Variants in ALOX5 observed in about 807,000 individuals in gnomAD.
The protein encoded by ALOX5 is arachidonate 5-lipoxygenase.
ALOX5 carries 64 observed loss-of-function variants against 87.9 expected under a neutral mutation model. The observed-to-expected ratio is 0.73, with a 90% CI of 0.60 to 0.90. ALOX5 has a LOEUF of 0.90. ALOX5 is among the 40% of genes least tolerant of loss of function. The pLI is 0.00. For synonymous variants in ALOX5, 388 were observed against 355.1 expected, an observed-to-expected ratio of 1.09 and a Z score of -1.04; for missense variants, 822 against 907.5, an observed-to-expected ratio of 0.91 and a Z score of 1.21.
chr10:45,414,657 C>G (rs907690021), intron 4 of ALOX5, among the ~76,000 whole-genome samples: 4 of 152,110 alleles, frequency 2.6e-5, no homozygotes, highest in African/African-American at 9.7e-5. Context: ...AGGCAACCTA[C>G]AGAATGGGAA....
intron 2 of ALOX5, among the ~76,000 whole-genome samples, chr10:45,395,256 C>G (rs1840453947): frequency 2.0e-5 from 3 of 152,170 alleles, no homozygotes; most frequent in South Asian, 4.1e-4. Flanking sequence ...CACATATACA[C>G]CATGGAATAC....
chr10:45,412,324 G>A lies in ALOX5; in HGVS notation c.554+11G>A, dbSNP rs377513193. 53 of 1,613,820 alleles carry A rather than the reference G, an allele frequency of 3.3e-5. 1 individual carries two copies. The highest frequency in any genetic ancestry group is 1.6e-4 in the Middle Eastern group (1 of 6,084). On this transcript the variant is annotated intron_variant, in intron 4 of 13. Transcript: ENST00000374391. ...GAATTACTCCAAAGCGTAAGTTTAC[G>A]AGAACTGAGGGACTCTGGGCAGCCC...
chr10:45,416,706 GATGA>G (rs77465787), intron 4 of ALOX5, among the ~76,000 whole-genome samples: 20,585 of 152,100 alleles, frequency 0.14, 1,570 homozygotes, highest in Non-Finnish European at 0.16. Flanking sequence ...AGGGATGGAT[GATGA>G]ATGGATGGAT....
intron 3 of ALOX5, among the ~76,000 whole-genome samples, chr10:45,401,217 G>C (rs1002988316): frequency 6.6e-5 from 10 of 152,188 alleles, no homozygotes; most frequent in Admixed American, 5.9e-4. Context: ...GAAAGTGGAA[G>C]GAATCATTCT....
chr10:45,417,085 C>T (rs1841322517), intron 4 of ALOX5, among the ~76,000 whole-genome samples: 1 of 152,102 alleles, frequency 6.6e-6, no homozygotes. Flanking sequence ...AGAATAGGTG[C>T]TCATTAAATC....
At chr10:45,413,624 A>G (rs1841155759) in intron 4 of ALOX5, among the ~76,000 whole-genome samples, 1 of 152,224 alleles carries the variant, frequency 6.6e-6, no homozygotes, top group East Asian at 1.9e-4. Context: ...AATAAAGGGT[A>G]TTCAATTAGG....
intron 7 of ALOX5, among the ~76,000 whole-genome samples, chr10:45,433,895 C>A (rs987139355): frequency 9.9e-5 from 15 of 152,156 alleles, no homozygotes; most frequent in African/African-American, 3.1e-4. Flanking sequence ...GCCAGTGGAT[C>A]GGTTTGGTGG....
rs193043982 is a variant in ALOX5, at chr10:45,386,073, G to A, written c.349+3392G>A. Among the ~76,000 whole-genome samples the A allele has an allele frequency of 4.2e-3, 639 of 152,122 alleles. 5 individuals are homozygous for A. Among genetic ancestry groups the A allele is most frequent in the African/African-American group, 0.014 (601 of 41,470 alleles). On this transcript the variant is annotated intron_variant, in intron 2 of 13. Coordinates refer to ENST00000374391, the MANE Select transcript of ALOX5 (RefSeq NM_000698.5). ...TTGAAAATTAGCTAGGGGCCGAGGC[G>A]GGTGGATCACAAGGTCAGGAGATCG...
intron 2 of ALOX5, among the ~76,000 whole-genome samples, chr10:45,392,715 GAAAA>G (rs922399767): frequency 2.8e-5 from 4 of 140,380 alleles, no homozygotes; most frequent in East Asian, 2.1e-4. Flanking sequence ...TAAAAAAAAA[GAAAA>G]AAAAAAGAAG....
chr10:45,442,761 C>T (rs1373069043), intron 9 of ALOX5: 3 of 438,406 alleles, frequency 6.8e-6, no homozygotes, highest in South Asian at 4.8e-5. Flanking sequence ...GCCTGCTGCC[C>T]TCCTGTGGCT....
Position 45,445,604 on chromosome 10 carries a change from G to C in ALOX5, c.1942G>C (p.Val648Leu). The change falls in exon 14 of 14, where the codon GTG (valine) becomes CTG (leucine). Residue 648 changes from valine (V) to leucine (L), a missense_variant. Coordinates refer to ENST00000374391, the MANE Select transcript of ALOX5 (RefSeq NM_000698.5). The stretch of plus-strand genomic sequence containing the variant: ...CAAGAACCTCGAGGCCATTGTCAGC[G>C]TGATTGCTGAGCGCAACAAGAAGAA... The part of the protein sequence containing the change: ...FRKNLEAIVS[V>L]IAERNKKKQL... 3 of 1,614,168 alleles carry C rather than the reference G, an allele frequency of 1.9e-6. No individual in the cohort carries two copies. The highest frequency in any genetic ancestry group is 1.6e-4 in the Middle Eastern group (1 of 6,062).
chr10:45,385,527 C>T (rs1839978846), intron 2 of ALOX5, among the ~76,000 whole-genome samples: 1 of 152,302 alleles, frequency 6.6e-6, no homozygotes, highest in South Asian at 2.1e-4. Context: ...TGAAACTTGG[C>T]ATGTTGCAAT....
chr10:45,424,651 G>C (rs200026824), intron 5 of ALOX5, among the ~76,000 whole-genome samples: 1 of 152,330 alleles, frequency 6.6e-6, no homozygotes, highest in East Asian at 1.9e-4. Flanking sequence ...AACCAAACTT[G>C]GCAAACTGCC....
chr10:45,375,424 T>C (rs1839567853), intron 1 of ALOX5, among the ~76,000 whole-genome samples: 2 of 152,300 alleles, frequency 1.3e-5, no homozygotes, highest in Middle Eastern at 3.4e-3. Context: ...GTCCCAGACA[T>C]ACTGCAGGTG....
At chr10:45,420,769 C>G (rs942764224) in intron 4 of ALOX5, among the ~76,000 whole-genome samples, 4 of 152,182 alleles carry the variant, frequency 2.6e-5, no homozygotes, top group Admixed American at 1.3e-4. Flanking sequence ...ACAACTGTGG[C>G]GTAAAAAATG....
intron 3 of ALOX5, among the ~76,000 whole-genome samples, chr10:45,400,721 G>T (rs1241380939): frequency 6.6e-6 from 1 of 152,196 alleles, no homozygotes; most frequent in Non-Finnish European, 1.5e-5. Flanking sequence ...GATTCTATCT[G>T]TATGAAATGT....
At position 45,402,792 on chromosome 10, in the gene ALOX5, C is replaced by T. The variant is rs562702900; in HGVS notation, c.431+6856C>T. Reference sequence around the variant, plus strand: ...AGAATTATTCCTAGTATGTGAAGGACCTACAAATCTTTAAGAAGGGGAGTG... The same window carrying T: ...AGAATTATTCCTAGTATGTGAAGGATCTACAAATCTTTAAGAAGGGGAGTG... On this transcript the variant is annotated intron_variant, in intron 3 of 13. Transcript: ENST00000374391. 1.4e-4 allele frequency among the ~76,000 whole-genome samples: 22 copies of T among 152,248 alleles called. No homozygotes were observed. The South Asian group carries it at 4.4e-3, about 30-fold the overall frequency.
At position 45,443,774 on chromosome 10, in the gene ALOX5, G is replaced by C; in HGVS notation, c.1620G>C (p.Leu540=). 6.2e-7 allele frequency: 1 copy of C among 1,612,432 alleles called. No homozygotes were observed. The highest frequency in any genetic ancestry group is 1.3e-5 in the African/African-American group (1 of 74,998). The change falls in exon 12 of 14, where the codon CTG becomes CTC. Residue 540 remains leucine (L), a synonymous_variant. Transcript: ENST00000374391. ...GCCGGGAGCAGCTGTCGGAGTACCT[G>C]ACCGTGGTGATCTTCACCGCCTCCG... ...VKSREQLSEY[L]TVVIFTASAQ... is the part of the protein sequence containing the mutation.
intron 1 of ALOX5, among the ~76,000 whole-genome samples, chr10:45,376,610 A>C (rs538549201): frequency 6.6e-6 from 1 of 152,350 alleles, no homozygotes; most frequent in East Asian, 1.9e-4. Context: ...TAAAATCTGT[A>C]TTGTTAACAG....
Sources: allele counts gnomAD v4.1 joint callset (sites outside exome capture counted in the v4.1 genomes callset), GRCh38; gene constraint gnomAD v4.1.1; transcripts MANE v1.5; gene names NCBI Gene and HGNC (gene_info 2026-07-23, HGNC 2026-07-21).